PRICKLE1: variants seen among roughly 807,000 people sequenced by gnomAD.
PRICKLE1 encodes the protein prickle-like protein 1.
In PRICKLE1, 14 loss-of-function variants were observed where a neutral mutation model predicts 70.2. That is an observed-to-expected ratio of 0.20 (90% CI 0.13 to 0.31). The LOEUF (loss-of-function observed/expected upper bound fraction) is 0.31, where lower values mean the gene tolerates loss of function less well. Among genes scored for constraint, PRICKLE1 ranks in the 10% least tolerant of loss-of-function variants. The pLI, the probability that PRICKLE1 is intolerant of heterozygous loss-of-function variation, is 1.00. For missense variants in PRICKLE1, 821 were observed against 1,026.2 expected, an observed-to-expected ratio of 0.80 and a Z score of 2.73; for synonymous variants, 357 against 379.9, an observed-to-expected ratio of 0.94 and a Z score of 0.70.
At chr12:42,584,539 TC>T (rs1305160688) in intron 1 of PRICKLE1, 1 of 147,892 alleles carries the variant, frequency 6.8e-6, no homozygotes, top group Non-Finnish European at 1.5e-5. Context: ...ATATTAGACT[TC>T]TTTTTTTTTT....
chr12:42,479,533 A>G (rs1485497690), intron 1 of PRICKLE1, among the ~76,000 whole-genome samples: 1 of 152,218 alleles, frequency 6.6e-6, no homozygotes, highest in East Asian at 1.9e-4. Context: ...TTCCTTTGTG[A>G]AATTTACTTT....
rs370129051 is a variant in PRICKLE1 at position 42,460,363 on chromosome 12, G to A, written c.1942C>T (p.Arg648Trp). 1.2e-6 allele frequency: 2 copies of A among 1,614,012 alleles called. No individual in the cohort carries two copies. The highest frequency in any genetic ancestry group is 1.1e-5 in the South Asian group (1 of 91,058). ...IDNGNYDIEI[R>W]QPPMSERTRR... ...GTCCTTTCACTCATCGGAGGCTGCC[G>A]GATTTCAATGTCATAGTTCCCATTG... The change falls in exon 8 of 8, where the codon CGG becomes TGG. Residue 648 changes from arginine (R) to tryptophan (W), a missense_variant. Arg to Trp is a moderately radical substitution (Grantham distance 101). Coordinates refer to ENST00000345127, the MANE Select transcript of PRICKLE1 (RefSeq NM_153026.3).
At chr12:42,564,148 C>T (rs1940578111) in intron 1 of PRICKLE1, among the ~76,000 whole-genome samples, 3 of 148,076 alleles carry the variant, frequency 2.0e-5, no homozygotes. Flanking sequence ...GTCCCAGCTA[C>T]TTGGGAGGCT....
chr12:42,549,261 C>T (rs1203975864), intron 1 of PRICKLE1, among the ~76,000 whole-genome samples: 2 of 151,734 alleles, frequency 1.3e-5, no homozygotes, highest in Admixed American at 1.3e-4. Context: ...TGTATGTTAT[C>T]AAACTGCTGA....
At position 42,470,367 on chromosome 12, in the gene PRICKLE1, AGAGACAGT is replaced by A; in HGVS notation, c.133-16_133-9del. The A allele has an allele frequency of 6.5e-7, 1 of 1,542,506 alleles. No individual in the cohort carries two copies. Among genetic ancestry groups the A allele is most frequent in the Non-Finnish European group, 9.0e-7 (1 of 1,114,798 alleles). On this transcript the variant is annotated splice_polypyrimidine_tract_variant and intron_variant, in intron 2 of 7. Transcript: ENST00000345127. ...AGCAAAATAGAGCTGGATCTGCAAA[AGAGACAGT>A]GAGAATGGCATCAACATACAGAACT...
intron 1 of PRICKLE1, among the ~76,000 whole-genome samples, chr12:42,514,941 A>C (rs998166016): frequency 8.3e-6 from 1 of 120,194 alleles, no homozygotes; most frequent in Non-Finnish European, 1.8e-5. Context: ...ATCTATCTAT[A>C]TTTTTTGAGA....
At chr12:42,551,275 G>A (rs371313633) in intron 1 of PRICKLE1, among the ~76,000 whole-genome samples, 3 of 152,154 alleles carry the variant, frequency 2.0e-5, no homozygotes, top group African/African-American at 7.2e-5. Flanking sequence ...AGGTGATCAT[G>A]AGAAAAAATA....
At position 42,512,950 on chromosome 12, in the gene PRICKLE1, C is replaced by CATT. The variant is rs34357156; in HGVS notation, c.-48-40389_-48-40387dup. ...CCTTAGAGCCCACTTTGCCCTAAGGCATTATTATTATTATTATTATTATTG... is the reference window on the plus strand; with the variant it reads ...CCTTAGAGCCCACTTTGCCCTAAGGCATTATTATTATTATTATTATTATTATTG... On this transcript the variant is annotated intron_variant, in intron 1 of 7. Coordinates refer to ENST00000345127, the MANE Select transcript of PRICKLE1 (RefSeq NM_153026.3). Among the ~76,000 whole-genome samples, 363 of 149,920 alleles carry CATT rather than the reference C, an allele frequency of 2.4e-3. 2 individuals carry two copies. Among genetic ancestry groups the CATT allele is most frequent in the African/African-American group, 7.5e-3 (304 of 40,760 alleles).
chr12:42,458,671 A>G lies in PRICKLE1; in HGVS notation c.*1138T>C, dbSNP rs1937666895. The G allele has an allele frequency of 6.6e-6, 1 of 152,236 alleles. No individual in the cohort carries two copies. Among genetic ancestry groups the G allele is most frequent in the South Asian group, 2.1e-4 (1 of 4,834 alleles). The allele number at this position is 152,236 out of a possible 1,614,324, so 9.4% of individuals were successfully genotyped here. On this transcript the variant is annotated 3_prime_UTR_variant, in exon 8 of 8. Transcript: ENST00000345127. The stretch of plus-strand genomic sequence containing the variant: ...AAGGAATAACCTCTCTTAAAATAAC[A>G]AATCTACAAAGTCCTCTGCCACAAA...
chr12:42,468,032 G>C (rs2140111579), intron 5 of PRICKLE1, among the ~76,000 whole-genome samples: 1 of 152,234 alleles, frequency 6.6e-6, no homozygotes, highest in Non-Finnish European at 1.5e-5. Flanking sequence ...CATATATTAT[G>C]GTTATGTAAG....
intron 1 of PRICKLE1, among the ~76,000 whole-genome samples, chr12:42,472,921 G>A (rs1938382523): frequency 6.6e-6 from 1 of 152,200 alleles, no homozygotes; most frequent in Non-Finnish European, 1.5e-5. Context: ...CATACTGTAA[G>A]TTGTAGAAAG....
At chr12:42,572,061 C>G (rs1940724531) in intron 1 of PRICKLE1, among the ~76,000 whole-genome samples, 1 of 152,104 alleles carries the variant, frequency 6.6e-6, no homozygotes. Flanking sequence ...TAAACATTTG[C>G]AGATTTAAAA....
At chr12:42,488,038 C>T (rs1460083397) in intron 1 of PRICKLE1, among the ~76,000 whole-genome samples, 1 of 152,106 alleles carries the variant, frequency 6.6e-6, no homozygotes, top group Non-Finnish European at 1.5e-5. Context: ...GATACCCTGT[C>T]TCCAAAACAT....
At chr12:42,481,068 C>T (rs1031728979) in intron 1 of PRICKLE1, among the ~76,000 whole-genome samples, 4 of 152,066 alleles carry the variant, frequency 2.6e-5, no homozygotes, top group African/African-American at 9.7e-5. Context: ...GAAATTGGGC[C>T]AAAGACAGTT....
In PRICKLE1 at chr12:42,460,510, T is replaced by G. The variant is rs1937785278; in HGVS notation, c.1795A>C (p.Ser599Arg). 4 of 1,613,848 alleles carry G rather than the reference T, an allele frequency of 2.5e-6. No homozygotes were observed. The highest frequency in any genetic ancestry group is 3.4e-6 in the Non-Finnish European group (4 of 1,179,844). Residue 599 changes from serine to arginine, a missense_variant, in exon 8 of 8, where the codon AGT becomes CGT. Transcript: ENST00000345127. Reference protein sequence around the residue: ...HRSAESLKSLSSELCPEKILP... With the variant: ...HRSAESLKSLRSELCPEKILP... Reference sequence around the variant, plus strand: ...ATTTTCTCTGGACACAACTCTGAACTTAGACTCTTTAAGGACTCTGCACTC... The same window carrying G: ...ATTTTCTCTGGACACAACTCTGAACGTAGACTCTTTAAGGACTCTGCACTC...
intron 1 of PRICKLE1, among the ~76,000 whole-genome samples, chr12:42,506,715 G>T (rs1368338604): frequency 1.3e-5 from 2 of 151,198 alleles, no homozygotes; most frequent in Admixed American, 6.6e-5. Flanking sequence ...TGGGATTATA[G>T]GTACCCACCA....
At chr12:42,545,792 G>A (rs1484072024) in intron 1 of PRICKLE1, among the ~76,000 whole-genome samples, 1 of 151,884 alleles carries the variant, frequency 6.6e-6, no homozygotes, top group Non-Finnish European at 1.5e-5. Context: ...AAAGGTTGCA[G>A]TGAGCCGAGA....
intron 1 of PRICKLE1, among the ~76,000 whole-genome samples, chr12:42,474,289 A>G (rs1938437944): frequency 6.6e-6 from 1 of 152,212 alleles, no homozygotes; most frequent in Middle Eastern, 3.2e-3. Context: ...ATAAAATAAA[A>G]TAAAACTTGA....
intron 1 of PRICKLE1, among the ~76,000 whole-genome samples, chr12:42,573,556 TC>T: frequency 6.6e-6 from 1 of 152,120 alleles, no homozygotes; most frequent in East Asian, 1.9e-4. Context: ...AAAGTATGAT[TC>T]TTTTTGTATT....
Sources: allele counts gnomAD v4.1 joint callset (sites outside exome capture counted in the v4.1 genomes callset), GRCh38; gene constraint gnomAD v4.1.1; transcripts MANE v1.5; gene names NCBI Gene and HGNC (gene_info 2026-07-23, HGNC 2026-07-21).